The following FAM3C variants were observed in gnomAD, a reference collection of about 807,000 sequenced individuals.
FAM3C encodes protein FAM3C.
FAM3C carries 15 observed loss-of-function variants against 32.5 expected under a neutral mutation model. The ratio of observed to expected loss-of-function variants is 0.46; its 90% CI spans 0.31 to 0.71. The LOEUF is 0.71. Ranked by LOEUF, FAM3C falls within the 30% of genes least tolerant of loss-of-function variation. The pLI, the probability that FAM3C is intolerant of heterozygous loss-of-function variation, is 0.05. For missense variants in FAM3C, 175 were observed against 274.4 expected (o/e 0.64, Z 2.56); for synonymous variants, 75 against 86.1 (o/e 0.87, Z 0.72).
At chr7:121,368,755 C>T (rs539017376) in intron 5 of FAM3C, among the ~76,000 whole-genome samples, 28 of 152,088 alleles carry the variant, frequency 1.8e-4, no homozygotes, top group Non-Finnish European at 3.4e-4. Flanking sequence ...TTAGGGCCTT[C>T]GAGCAGGCTT....
intron 5 of FAM3C, chr7:121,364,526 A>G (rs1793986054): frequency 5.3e-6 from 1 of 189,030 alleles, no homozygotes; most frequent in African/African-American, 2.3e-5. Flanking sequence ...GGTATCAAAC[A>G]AAAGATAATC....
chr7:121,395,764 C>T (rs1794678126), intron 1 of FAM3C, among the ~76,000 whole-genome samples: 1 of 152,112 alleles, frequency 6.6e-6, no homozygotes, highest in South Asian at 2.1e-4. Flanking sequence ...CAACACCCAA[C>T]TCCGTCCCCA....
intron 5 of FAM3C, among the ~76,000 whole-genome samples, chr7:121,368,103 G>A (rs1029816633): frequency 6.6e-6 from 1 of 152,114 alleles, no homozygotes; most frequent in Non-Finnish European, 1.5e-5. Context: ...TCAGCATAAT[G>A]TATTTTGACT....
intron 1 of FAM3C, among the ~76,000 whole-genome samples, chr7:121,391,570 C>T (rs532067322): frequency 5.3e-5 from 8 of 152,258 alleles, no homozygotes; most frequent in South Asian, 4.1e-4. Context: ...TCCTGTTCTA[C>T]GTGTTTAAGA....
At chr7:121,362,110 G>T (rs913248477) in intron 7 of FAM3C, among the ~76,000 whole-genome samples, 7 of 152,286 alleles carry the variant, frequency 4.6e-5, no homozygotes, top group African/African-American at 1.7e-4. Context: ...AGGTGCAGGG[G>T]AGATCCTCAT....
intron 2 of FAM3C, among the ~76,000 whole-genome samples, chr7:121,380,733 T>TTATATATATATATATA (rs66579763): frequency 0.013 from 1,687 of 133,796 alleles, 34 homozygotes; most frequent in African/African-American, 0.023. Flanking sequence ...TACAAACATT[T>TTATATATATATATATA]TATATATATA....
In FAM3C at chr7:121,386,909, A is replaced by G. The variant is rs539297794; in HGVS notation, c.-41-3899T>C. Among the ~76,000 whole-genome samples, 70 of 152,024 alleles carry G rather than the reference A, an allele frequency of 4.6e-4. 1 individual carries two copies. Among genetic ancestry groups the G allele is most frequent in the African/African-American group, 1.6e-3 (68 of 41,566 alleles). On this transcript the variant is annotated intron_variant, in intron 1 of 9. Transcript: ENST00000359943. ...CGATGTTGCATTTACAAACAAAAGCATGGTATTTTTTAAAAAATACTGTGT... is the reference window on the plus strand; with the variant it reads ...CGATGTTGCATTTACAAACAAAAGCGTGGTATTTTTTAAAAAATACTGTGT...
At position 121,392,243 on chromosome 7, in the gene FAM3C, A is replaced by T. The variant is rs558806597; in HGVS notation, c.-42+3919T>A. Among the ~76,000 whole-genome samples, 10 of 152,292 alleles carry T rather than the reference A, an allele frequency of 6.6e-5. No homozygotes were observed. In the South Asian group the frequency reaches 1.7e-3, roughly 25 times the overall value. On this transcript the variant is annotated intron_variant, in intron 1 of 9. Coordinates refer to ENST00000359943, the MANE Select transcript of FAM3C (RefSeq NM_014888.3). ...CGTTTTTGCACTGTTATAAAGAAAT[A>T]CCCAAGACTGGGTAACCTATAAAGG...
intron 3 of FAM3C, among the ~76,000 whole-genome samples, chr7:121,372,620 A>G (rs879600778): frequency 3.3e-5 from 5 of 152,180 alleles, no homozygotes; most frequent in Non-Finnish European, 7.4e-5. Context: ...GAAGATCATT[A>G]CTAAAAGATT....
Position 121,351,133 on chromosome 7 carries a change from T to C in FAM3C, c.594+10A>G. On this transcript the variant is annotated intron_variant, in intron 9 of 9. Coordinates refer to ENST00000359943, the MANE Select transcript of FAM3C (RefSeq NM_014888.3). ...TGTTTTTGTTAATTCTGAGAGTCTA[T>C]GACACTAACCTGTTCAAAAGGGCTT... 6.2e-7 allele frequency: 1 copy of C among 1,610,218 alleles called. No homozygotes were observed. Among genetic ancestry groups the C allele is most frequent in the Non-Finnish European group, 8.5e-7 (1 of 1,178,330 alleles).
intron 1 of FAM3C, among the ~76,000 whole-genome samples, chr7:121,394,730 C>G (rs993027179): frequency 1.3e-5 from 2 of 152,116 alleles, no homozygotes; most frequent in African/African-American, 4.8e-5. Context: ...TGGTAAACAG[C>G]CAAGAAACAC....
intron 5 of FAM3C, among the ~76,000 whole-genome samples, chr7:121,369,822 A>G (rs1038097882): frequency 1.3e-5 from 2 of 152,196 alleles, no homozygotes; most frequent in Non-Finnish European, 2.9e-5. Context: ...AGGCCCCAAG[A>G]TCAGGAAGAT....
At position 121,362,967 on chromosome 7, in the gene FAM3C, T is replaced by C. The variant is rs755717862; in HGVS notation, c.332-20A>G. 2.6e-6 allele frequency: 3 copies of C among 1,166,788 alleles called. No individual in the cohort carries two copies. The highest frequency in any genetic ancestry group is 3.8e-6 in the Non-Finnish European group (3 of 782,376). 72.3% of individuals were successfully genotyped at this position (1,166,788 alleles called of 1,614,324 possible). On this transcript the variant is annotated intron_variant, in intron 6 of 9. Coordinates refer to ENST00000359943, the MANE Select transcript of FAM3C (RefSeq NM_014888.3). ...TTTTTCCTAAAAGAGATTAAATTCA[T>C]ATCAAATTATGCATCTGAAATATAT...
chr7:121,355,705 T>G (rs1239297512), intron 8 of FAM3C, among the ~76,000 whole-genome samples: 1 of 152,208 alleles, frequency 6.6e-6, no homozygotes, highest in Non-Finnish European at 1.5e-5. Flanking sequence ...AGCTGGATGG[T>G]ATTCCTGGTA....
intron 1 of FAM3C, among the ~76,000 whole-genome samples, chr7:121,386,664 T>C (rs184499303): frequency 4.7e-4 from 69 of 146,982 alleles, no homozygotes; most frequent in Non-Finnish European, 8.5e-4. Flanking sequence ...TCTAGAGCTA[T>C]ATCTATACAT....
At chr7:121,365,195 A>C (rs998930651) in intron 5 of FAM3C, among the ~76,000 whole-genome samples, 11 of 152,152 alleles carry the variant, frequency 7.2e-5, no homozygotes, top group African/African-American at 2.7e-4. Flanking sequence ...TGATTTTTCA[A>C]ACAATTCACA....
intron 8 of FAM3C, among the ~76,000 whole-genome samples, chr7:121,359,570 A>G (rs546829190): frequency 7.2e-5 from 11 of 152,084 alleles, no homozygotes; most frequent in Non-Finnish European, 7.4e-5. Context: ...TAATTTTCCA[A>G]ATTTTTACAA....
chr7:121,382,964 C>T lies in FAM3C; in HGVS notation c.6G>A (p.Arg2=), dbSNP rs1480541839. ...CTAAATTAAATATCTTACCTGCTAC[C>T]CTCATGTTTGGTTTTTCAGTTTATG... M[R]VAGAAKLVVA... is the part of the protein sequence containing the mutation. Residue 2 remains arginine, a synonymous_variant, in exon 2 of 10, where the codon AGG becomes AGA. Transcript: ENST00000359943. 6 of 1,602,108 alleles carry T rather than the reference C, an allele frequency of 3.7e-6. No homozygotes were observed. The highest frequency in any genetic ancestry group is 3.4e-6 in the Non-Finnish European group (4 of 1,172,552).
rs151288099 is a variant in FAM3C, at chr7:121,371,157, GA to G, written c.272+142del. The G allele has an allele frequency of 4.9e-6, 5 of 1,018,118 alleles. No individual in the cohort carries two copies. In the Admixed American group the frequency reaches 7.0e-5, roughly 14 times the overall value. 63.1% of individuals were successfully genotyped at this position (1,018,118 alleles called of 1,614,324 possible). A position where few individuals can be genotyped will look rare whatever the true frequency, so the allele number is the denominator to read the frequency against. On this transcript the variant is annotated intron_variant, in intron 5 of 9. Coordinates refer to ENST00000359943, the MANE Select transcript of FAM3C (RefSeq NM_014888.3). ...ACTTTAAGGTCCCTTGAATTCATGA[GA>G]AAAAAACTACATAACAAAAATGGAA...
Sources: allele counts gnomAD v4.1 joint callset (sites outside exome capture counted in the v4.1 genomes callset), GRCh38; gene constraint gnomAD v4.1.1; transcripts MANE v1.5; gene names NCBI Gene and HGNC (gene_info 2026-07-23, HGNC 2026-07-21).